CFAP210: variants seen among roughly 807,000 people sequenced by gnomAD.
CFAP210 encodes cilia and flagella associated protein 210.
chr2:169,645,810 T>TA, the CFAP210 span: 4 of 1,405,348 alleles, frequency 2.8e-6, no homozygotes, highest in East Asian at 4.6e-5. Context: ...TGCTACAACT[T>TA]AGTCTTCTCA....
the CFAP210 span, among the ~76,000 whole-genome samples, chr2:169,661,856 T>C: frequency 6.6e-6 from 1 of 152,136 alleles, no homozygotes; most frequent in Non-Finnish European, 1.5e-5. Flanking sequence ...AAGACAAATA[T>C]ATTATGTTCT....
the CFAP210 span, among the ~76,000 whole-genome samples, chr2:169,690,469 C>T: frequency 2.0e-5 from 3 of 151,964 alleles, no homozygotes; most frequent in Non-Finnish European, 4.4e-5. Flanking sequence ...TTGAGACACG[C>T]CTGGCCAACA....
the CFAP210 span, chr2:169,645,721 CAATT>C: frequency 7.3e-6 from 5 of 686,710 alleles, no homozygotes; most frequent in Non-Finnish European, 1.2e-5. Flanking sequence ...TGAGAACAAT[CAATT>C]AAATCAGACA....
At chr2:169,675,415 G>A in the CFAP210 span, among the ~76,000 whole-genome samples, 2 of 152,192 alleles carry the variant, frequency 1.3e-5, no homozygotes, top group African/African-American at 4.8e-5. Flanking sequence ...AGCTTCTGGA[G>A]AGGCCTTAGG....
At chr2:169,686,844 G>A in the CFAP210 span, among the ~76,000 whole-genome samples, 1 of 152,020 alleles carries the variant, frequency 6.6e-6, no homozygotes, top group Non-Finnish European at 1.5e-5. Flanking sequence ...AAATCTCCCA[G>A]CCCATTAACA....
At chr2:169,673,061 A>C in the CFAP210 span, among the ~76,000 whole-genome samples, 1 of 152,224 alleles carries the variant, frequency 6.6e-6, no homozygotes. Flanking sequence ...ACAAGGACAA[A>C]GCCCACCATG....
chr2:169,673,353 C>A, the CFAP210 span, among the ~76,000 whole-genome samples: 1 of 152,208 alleles, frequency 6.6e-6, no homozygotes, highest in East Asian at 1.9e-4. Flanking sequence ...AAAGAGATTT[C>A]TCAAACACAA....
At chr2:169,665,952 C>T in the CFAP210 span, among the ~76,000 whole-genome samples, 1 of 152,060 alleles carries the variant, frequency 6.6e-6, no homozygotes, top group Non-Finnish European at 1.5e-5. Flanking sequence ...GGTCTTTGAA[C>T]TCCTGGGCTC....
the CFAP210 span, among the ~76,000 whole-genome samples, chr2:169,688,518 T>C: frequency 6.6e-6 from 1 of 152,236 alleles, no homozygotes; most frequent in Non-Finnish European, 1.5e-5. Flanking sequence ...AACTCACCTC[T>C]TGAATGCTTT....
the CFAP210 span, among the ~76,000 whole-genome samples, chr2:169,692,444 G>GCACACACACACACACA: frequency 4.9e-4 from 71 of 143,786 alleles, no homozygotes; most frequent in African/African-American, 1.6e-3. Context: ...ACAGGCGCAC[G>GCACACACACACACACA]CACACACACA....
At chr2:169,678,527 T>TTCTAAATTTCATAATGGCCA in the CFAP210 span, among the ~76,000 whole-genome samples, 1 of 151,614 alleles carries the variant, frequency 6.6e-6, no homozygotes, top group Non-Finnish European at 1.5e-5. Flanking sequence ...GACAAGCAGA[T>TTCTAAATTTCATAATGGCCA]TCTAAATTTC....
At chr2:169,664,762 A>C in the CFAP210 span, among the ~76,000 whole-genome samples, 1 of 152,228 alleles carries the variant, frequency 6.6e-6, no homozygotes, top group African/African-American at 2.4e-5. Flanking sequence ...AGCCTCCACC[A>C]GGCAATCAGA....
the CFAP210 span, among the ~76,000 whole-genome samples, chr2:169,652,752 T>C: frequency 1.3e-5 from 2 of 151,316 alleles, no homozygotes; most frequent in Admixed American, 6.6e-5. Flanking sequence ...TCCCAGCACT[T>C]TGGGAGGCCG....
At chr2:169,650,439 T>C in the CFAP210 span, 2 of 1,606,576 alleles carry the variant, frequency 1.2e-6, no homozygotes, top group Non-Finnish European at 8.5e-7. Flanking sequence ...TCTCTAGCAA[T>C]AATCATATCT....
chr2:169,645,829 AATAATTTTTT>A, the CFAP210 span: 9 of 1,561,604 alleles, frequency 5.8e-6, no homozygotes, highest in African/African-American at 2.7e-5. Flanking sequence ...CAATGTTAAA[AATAATTTTTT>A]TCTACCATGT....
At chr2:169,650,464 C>CTCTT in the CFAP210 span, 2 of 1,601,966 alleles carry the variant, frequency 1.2e-6, no homozygotes, top group Admixed American at 3.5e-5. Context: ...TGTCAAGTTT[C>CTCTT]TCTTTCAACA....
At chr2:169,658,808 A>G in the CFAP210 span, 1 of 276,724 alleles carries the variant, frequency 3.6e-6, no homozygotes. Flanking sequence ...GATATTTTAC[A>G]CTATTAGGAG....
the CFAP210 span, among the ~76,000 whole-genome samples, chr2:169,651,597 C>T: frequency 1.3e-5 from 2 of 151,846 alleles, no homozygotes; most frequent in Non-Finnish European, 2.9e-5. Context: ...TCAAGTGATC[C>T]GCCCGCCTCA....
chr2:169,678,069 G>A, the CFAP210 span, among the ~76,000 whole-genome samples: 1 of 152,154 alleles, frequency 6.6e-6, no homozygotes, highest in East Asian at 1.9e-4. Flanking sequence ...GGCTGGGCGC[G>A]GTGGCTCACG....
Sources: gnomAD v4.1 joint callset for allele counts (sites outside exome capture counted in the v4.1 genomes callset) on GRCh38, gnomAD v4.1.1 for gene constraint, MANE v1.5 for transcripts, NCBI Gene and HGNC (gene_info 2026-07-23, HGNC 2026-07-21) for gene names.